ADAM9: variants seen among roughly 807,000 people sequenced by gnomAD.
The protein encoded by ADAM9 is ADAM metallopeptidase domain 9.
ADAM9 carries 54 observed loss-of-function variants against 108.1 expected under a neutral mutation model. That is an observed-to-expected ratio of 0.50 (90% CI 0.40 to 0.63). The LOEUF (loss-of-function observed/expected upper bound fraction) is 0.63, where lower values mean the gene tolerates loss of function less well. Among genes scored for constraint, ADAM9 ranks in the 20% least tolerant of loss-of-function variants. The pLI, the probability that ADAM9 is intolerant of heterozygous loss-of-function variation, is 0.00. For synonymous variants in ADAM9, 316 were observed against 336.0 expected (o/e 0.94, Z 0.65); for missense variants, 830 against 997.7 (o/e 0.83, Z 2.26).
intron 20 of ADAM9, among the ~76,000 whole-genome samples, chr8:39,100,247 T>C (rs1416111034): frequency 6.6e-6 from 1 of 151,586 alleles, no homozygotes; most frequent in Non-Finnish European, 1.5e-5. Context: ...CCCAACACTT[T>C]GGGAGGCTGA....
At chr8:39,053,431 A>G (rs1261200007) in intron 12 of ADAM9, among the ~76,000 whole-genome samples, 1 of 152,132 alleles carries the variant, frequency 6.6e-6, no homozygotes, top group Non-Finnish European at 1.5e-5. Flanking sequence ...TAGAAGTTTT[A>G]TAGTTTTAGG....
At chr8:39,044,845 GGT>G (rs1038873256) in intron 12 of ADAM9, among the ~76,000 whole-genome samples, 2 of 151,184 alleles carry the variant, frequency 1.3e-5, no homozygotes. Flanking sequence ...TATTCCGTGG[GGT>G]GTGTGTATGT....
chr8:39,096,583 A>T (rs1331006692), intron 20 of ADAM9, among the ~76,000 whole-genome samples: 1 of 152,174 alleles, frequency 6.6e-6, no homozygotes, highest in Non-Finnish European at 1.5e-5. Context: ...CACTCACATT[A>T]CAGTACTACA....
At position 39,044,910 on chromosome 8, in the gene ADAM9, A is replaced by C. The variant is rs529758965; in HGVS notation, c.1302+2793A>C. Among the ~76,000 whole-genome samples the C allele has an allele frequency of 7.9e-3, 1,108 of 139,874 alleles. 9 individuals are homozygous for C. Among genetic ancestry groups the C allele is most frequent in the African/African-American group, 0.012 (405 of 32,714 alleles). The allele number at this position is 139,874 out of a possible 152,430, so 91.8% of individuals were successfully genotyped here. Reference sequence around the variant, plus strand: ...TATATATATGTGTGTGCACACATACATATGTATGTATATATGTGTGTGCAC... The same window carrying C: ...TATATATATGTGTGTGCACACATACCTATGTATGTATATATGTGTGTGCAC... On this transcript the variant is annotated intron_variant, in intron 12 of 21. Transcript: ENST00000487273.
At chr8:39,086,882 C>T (rs948703292) in intron 18 of ADAM9, among the ~76,000 whole-genome samples, 2 of 152,190 alleles carry the variant, frequency 1.3e-5, no homozygotes, top group Admixed American at 1.3e-4. Flanking sequence ...GTTTATCCTG[C>T]TTAGTACCAC....
intron 14 of ADAM9, among the ~76,000 whole-genome samples, chr8:39,061,274 T>C (rs757538395): frequency 1.3e-5 from 2 of 152,222 alleles, no homozygotes; most frequent in African/African-American, 2.4e-5. Flanking sequence ...AGGGAACCAG[T>C]GTGGCAATTC....
At chr8:39,064,374 ATTAG>A (rs1313597060) in intron 14 of ADAM9, among the ~76,000 whole-genome samples, 2 of 152,226 alleles carry the variant, frequency 1.3e-5, no homozygotes, top group East Asian at 3.8e-4. Flanking sequence ...CAAAATCTGA[ATTAG>A]TTAGACTGCA....
At chr8:39,069,587 G>A (rs532955750) in intron 14 of ADAM9, among the ~76,000 whole-genome samples, 1 of 152,116 alleles carries the variant, frequency 6.6e-6, no homozygotes, top group Non-Finnish European at 1.5e-5. Context: ...AGGAAGGCAG[G>A]GCTCAGAGAG....
intron 14 of ADAM9, among the ~76,000 whole-genome samples, chr8:39,068,836 G>C (rs1838583307): frequency 6.6e-6 from 1 of 151,844 alleles, no homozygotes; most frequent in South Asian, 2.1e-4. Context: ...TTCTGTGCCT[G>C]TTACTGTGCC....
At chr8:39,054,344 TA>T in intron 12 of ADAM9, 136 bp from the exon 13 acceptor site, 11 of 743,628 alleles carry the variant, frequency 1.5e-5, no homozygotes, top group Non-Finnish European at 2.3e-5. Flanking sequence ...CCAGAAACAG[TA>T]AGCAACTGTT....
rs146208883 is a variant in ADAM9, at chr8:39,045,570, G to GTATATATATATATATATA, written c.1302+3454_1302+3471dup. On this transcript the variant is annotated intron_variant, in intron 12 of 21. Transcript: ENST00000487273. ...TGTGTGTGTGTATATGTGTGTGTGT[G>GTATATATATATATATATA]TATATATATATATATATAAAAGATT... Among the ~76,000 whole-genome samples the GTATATATATATATATATA allele has an allele frequency of 3.3e-4, 31 of 95,190 alleles. 1 individual carries two copies. Among genetic ancestry groups the GTATATATATATATATATA allele is most frequent in the African/African-American group, 9.4e-4 (29 of 30,928 alleles). 62.4% of individuals were successfully genotyped at this position (95,190 alleles called of 152,430 possible).
In ADAM9 at chr8:39,018,882, G is replaced by C; in HGVS notation, c.636G>C (p.Arg212=). The change falls in exon 7 of 22, where the codon CGG becomes CGC. Residue 212 remains arginine (R), a synonymous_variant. Transcript: ENST00000487273. Reference sequence around the variant, plus strand: ...GAAGAGCTGTCTTGCCACAGACCCGGTATGTGGAGCTGTTCATTGTCGTAG... The same window carrying C: ...GAAGAGCTGTCTTGCCACAGACCCGCTATGTGGAGCTGTTCATTGTCGTAG... ...RRRRAVLPQT[R]YVELFIVVDK... 6.2e-7 allele frequency: 1 copy of C among 1,613,956 alleles called. No homozygotes were observed. The highest frequency in any genetic ancestry group is 8.5e-7 in the Non-Finnish European group (1 of 1,179,952).
In ADAM9 at chr8:39,102,356, C is replaced by A. The variant is rs532740938; in HGVS notation, c.2366+426C>A. On this transcript the variant is annotated intron_variant, in intron 21 of 21. Transcript: ENST00000487273. The stretch of plus-strand genomic sequence containing the variant: ...GGTAAGGTCAGGAGAGGAAGGAAAT[C>A]TAGAAATGATCCCAGCTTTGGGGGC... Among the ~76,000 whole-genome samples, 8 of 152,282 alleles carry A rather than the reference C, an allele frequency of 5.3e-5. No individual in the cohort carries two copies. In the South Asian group the frequency reaches 1.7e-3, roughly 32 times the overall value.
chr8:39,021,571 A>G, intron 7 of ADAM9, 72 bp from the exon 8 acceptor site: 1 of 1,340,502 alleles, frequency 7.5e-7, no homozygotes, highest in East Asian at 2.3e-5. Flanking sequence ...GGCATGAGGT[A>G]CTGCACCCGG....
At chr8:39,044,288 A>G (rs1837542865) in intron 12 of ADAM9, among the ~76,000 whole-genome samples, 1 of 152,140 alleles carries the variant, frequency 6.6e-6, no homozygotes. Flanking sequence ...ATAAGGTTCC[A>G]ATTTCATTCT....
intron 2 of ADAM9, among the ~76,000 whole-genome samples, chr8:39,009,874 A>G (rs1480207942): frequency 6.1e-5 from 7 of 114,138 alleles, no homozygotes; most frequent in African/African-American, 2.0e-4. Context: ...CTTGTATTCT[A>G]TGGAGCTTGC....
intron 11 of ADAM9, 72 bp downstream of exon 11, chr8:39,026,882 T>C: frequency 2.5e-6 from 4 of 1,581,064 alleles, no homozygotes; most frequent in Non-Finnish European, 3.5e-6. Context: ...TGAGGGATAT[T>C]CATGTCTACA....
Position 39,045,353 on chromosome 8 carries a change from CAT to C in ADAM9, c.1302+3238_1302+3239del, listed in dbSNP as rs1491449728. On this transcript the variant is annotated intron_variant, in intron 12 of 21. Coordinates refer to ENST00000487273, the MANE Select transcript of ADAM9 (RefSeq NM_003816.3). ...GTGTGTACACCTATACATGTGTGTACATACATATAGGTGTGTGTACATACACC... is the reference window on the plus strand; with the variant it reads ...GTGTGTACACCTATACATGTGTGTACACATATAGGTGTGTGTACATACACC... Among the ~76,000 whole-genome samples the C allele has an allele frequency of 3.5e-3, 407 of 116,694 alleles. 21 individuals are homozygous for C. Among genetic ancestry groups the C allele is most frequent in the Non-Finnish European group, 4.4e-3 (240 of 55,086 alleles). The allele number at this position is 116,694 out of a possible 152,430, so 76.6% of individuals were successfully genotyped here. A position where few individuals can be genotyped will look rare whatever the true frequency, so the allele number is the denominator to read the frequency against.
intron 2 of ADAM9, among the ~76,000 whole-genome samples, chr8:39,010,714 G>A (rs529481736): frequency 6.6e-6 from 1 of 152,270 alleles, no homozygotes; most frequent in South Asian, 2.1e-4. Flanking sequence ...CCATGAATTG[G>A]AGGATGTGTA....
Sources: allele counts gnomAD v4.1 joint callset (sites outside exome capture counted in the v4.1 genomes callset), GRCh38; gene constraint gnomAD v4.1.1; transcripts MANE v1.5; gene names NCBI Gene and HGNC (gene_info 2026-07-23, HGNC 2026-07-21).